The following KIRREL3 variants were observed in gnomAD, a reference collection of about 807,000 sequenced individuals.
KIRREL3 encodes kin of IRRE-like protein 3.
KIRREL3 carries 36 observed loss-of-function variants against 89.7 expected under a neutral mutation model. The ratio of observed to expected loss-of-function variants is 0.40; its 90% CI spans 0.31 to 0.53. The LOEUF (loss-of-function observed/expected upper bound fraction) is 0.53. Among genes scored for constraint, KIRREL3 ranks in the 20% least tolerant of loss-of-function variants. KIRREL3 has a pLI of 0.49. For synonymous variants in KIRREL3, 445 were observed against 441.4 expected (o/e 1.01, Z -0.10); for missense variants, 864 against 1,056.6 (o/e 0.82, Z 2.53).
rs931803462 is a variant in KIRREL3, at chr11:126,519,861, T to A, written c.433+1454A>T. On this transcript the variant is annotated intron_variant, in intron 4 of 16. Coordinates refer to ENST00000525144, the MANE Select transcript of KIRREL3 (RefSeq NM_032531.4). This position sits in a 1 kb window ranked among gnomAD's most constrained non-coding sequence, Gnocchi z 4.3. Reference sequence around the variant, plus strand: ...ATTTTAGTCACCGTCTTGGGAGAAATGAGAACGGCGCTGCTGCCTTTAATA... The same window carrying A: ...ATTTTAGTCACCGTCTTGGGAGAAAAGAGAACGGCGCTGCTGCCTTTAATA... Among the ~76,000 whole-genome samples, 2 of 152,116 alleles carry A rather than the reference T, an allele frequency of 1.3e-5. No individual in the cohort carries two copies. The highest frequency in any genetic ancestry group is 2.9e-5 in the Non-Finnish European group (2 of 68,032).
chr11:126,425,762 G>A (rs1642359475), intron 15 of KIRREL3, 38 bp from the exon 16 acceptor site: 1 of 1,483,558 alleles, frequency 6.7e-7, no homozygotes, highest in Admixed American at 1.9e-5. Flanking sequence ...GATAGGAGGT[G>A]GCTAAACCTC....
chr11:126,541,693 T>C lies in KIRREL3; in HGVS notation c.134-15006A>G, dbSNP rs535882713. On this transcript the variant is annotated intron_variant, in intron 2 of 16. Coordinates refer to ENST00000525144, the MANE Select transcript of KIRREL3 (RefSeq NM_032531.4). The surrounding 1 kb of genome is among the most constrained non-coding windows in gnomAD (Gnocchi z 4.8). ...CTGGGTCAAGGAATCTGCATTTTAATAGCTTCTGGGTCATCCTTCTGCAGG... is the reference window on the plus strand; with the variant it reads ...CTGGGTCAAGGAATCTGCATTTTAACAGCTTCTGGGTCATCCTTCTGCAGG... 6.6e-6 allele frequency among the ~76,000 whole-genome samples: 1 copy of C among 152,286 alleles called. No individual in the cohort carries two copies. The highest frequency in any genetic ancestry group is 2.1e-4 in the South Asian group (1 of 4,810).
intron 1 of KIRREL3, chr11:126,936,798 G>A (rs188696887): frequency 4.6e-5 from 7 of 152,320 alleles, no homozygotes; most frequent in Admixed American, 2.6e-4. Flanking sequence ...GATCACTTGG[G>A]AGAGATGGAA....
chr11:126,795,347 G>A lies in KIRREL3; in HGVS notation c.55+205108C>T, dbSNP rs1318760840. ...CTCAGGGCAGAGGTTGGGAGGGAGA[G>A]GACGTACATATAAATTTTATTTTAT... is the stretch of plus-strand genomic sequence containing the variant. On this transcript the variant is annotated intron_variant, in intron 1 of 16. Transcript: ENST00000525144. The surrounding 1 kb of genome is among the most constrained non-coding windows in gnomAD (Gnocchi z 4.1). 6.6e-6 allele frequency among the ~76,000 whole-genome samples: 1 copy of A among 152,114 alleles called. No homozygotes were observed. Among genetic ancestry groups the A allele is most frequent in the Non-Finnish European group, 1.5e-5 (1 of 68,024 alleles).
At position 126,763,716 on chromosome 11, in the gene KIRREL3, T is replaced by C. The variant is rs1426477721; in HGVS notation, c.56-200804A>G. On this transcript the variant is annotated intron_variant, in intron 1 of 16. Coordinates refer to ENST00000525144, the MANE Select transcript of KIRREL3 (RefSeq NM_032531.4). The surrounding 1 kb of genome is among the most constrained non-coding windows in gnomAD (Gnocchi z 4.7). ...CCCACGCTTTTGAGCCTTTGTTTTC[T>C]CACTTGTGAAATGGGGACAATAGAA... Among the ~76,000 whole-genome samples, 1 of 152,180 alleles carries C rather than the reference T, an allele frequency of 6.6e-6. No homozygotes were observed. The highest frequency in any genetic ancestry group is 2.4e-5 in the African/African-American group (1 of 41,426).
chr11:126,497,465 C>G (rs898781523), intron 4 of KIRREL3, among the ~76,000 whole-genome samples: 1 of 152,230 alleles, frequency 6.6e-6, no homozygotes, highest in Non-Finnish European at 1.5e-5. Flanking sequence ...ACAAATAACT[C>G]TGGTCTCCCA....
chr11:126,446,063 A>G (rs1231894457), intron 9 of KIRREL3, among the ~76,000 whole-genome samples: 1 of 148,524 alleles, frequency 6.7e-6, no homozygotes, highest in Non-Finnish European at 1.5e-5. Flanking sequence ...CAGGAGAATT[A>G]CTTGAACCCG....
rs986694557 is a variant in KIRREL3, at chr11:126,628,663, T to C, written c.56-65751A>G. Among the ~76,000 whole-genome samples the C allele has an allele frequency of 6.6e-6, 1 of 152,220 alleles. No homozygotes were observed. The highest frequency in any genetic ancestry group is 6.5e-5 in the Admixed American group (1 of 15,278). ...TTTCCTCTTTGTCCCCAGCAGAGAATAGAAACTGACTGTCATTCTCTCTGC... is the reference window on the plus strand; with the variant it reads ...TTTCCTCTTTGTCCCCAGCAGAGAACAGAAACTGACTGTCATTCTCTCTGC... On this transcript the variant is annotated intron_variant, in intron 1 of 16. Transcript: ENST00000525144. The surrounding 1 kb of genome is among the most constrained non-coding windows in gnomAD (Gnocchi z 5.2).
At chr11:126,473,800 TCTTTTTC>T (rs1956994561) in intron 4 of KIRREL3, among the ~76,000 whole-genome samples, 1 of 152,034 alleles carries the variant, frequency 6.6e-6, no homozygotes, top group Non-Finnish European at 1.5e-5. Context: ...CTTTTTAACT[TCTTTTTC>T]CTTTTTTCGA....
At chr11:126,851,303 G>A (rs1432632791) in intron 1 of KIRREL3, among the ~76,000 whole-genome samples, 1 of 152,188 alleles carries the variant, frequency 6.6e-6, no homozygotes, top group Non-Finnish European at 1.5e-5. Flanking sequence ...GAGACCAGAG[G>A]TCAGAGCATC....
At chr11:126,658,662 T>C (rs1945263173) in intron 1 of KIRREL3, among the ~76,000 whole-genome samples, 1 of 152,264 alleles carries the variant, frequency 6.6e-6, no homozygotes, top group Admixed American at 6.5e-5. Context: ...GGGATCTGCA[T>C]CTCGTTAAGA....
chr11:126,530,673 A>C lies in KIRREL3; in HGVS notation c.134-3986T>G, dbSNP rs1367983584. 6.6e-6 allele frequency among the ~76,000 whole-genome samples: 1 copy of C among 152,080 alleles called. No homozygotes were observed. Among genetic ancestry groups the C allele is most frequent in the Non-Finnish European group, 1.5e-5 (1 of 67,998 alleles). Reference sequence around the variant, plus strand: ...AGATGGAGCACAGAGTAGGTGCCTCACAGGCTCAGGTCCTGCTCTCAGTGG... The same window carrying C: ...AGATGGAGCACAGAGTAGGTGCCTCCCAGGCTCAGGTCCTGCTCTCAGTGG... On this transcript the variant is annotated intron_variant, in intron 2 of 16. Coordinates refer to ENST00000525144, the MANE Select transcript of KIRREL3 (RefSeq NM_032531.4). The surrounding 1 kb of genome is among the most constrained non-coding windows in gnomAD (Gnocchi z 5.8).
intron 7 of KIRREL3, among the ~76,000 whole-genome samples, chr11:126,450,947 G>GCA (rs1402332501): frequency 6.6e-6 from 1 of 151,606 alleles, no homozygotes; most frequent in East Asian, 2.0e-4. Context: ...GTGGGCGTGT[G>GCA]TGCATGTGTG....
At chr11:126,711,894 A>G (rs1353086917) in intron 1 of KIRREL3, among the ~76,000 whole-genome samples, 9 of 152,336 alleles carry the variant, frequency 5.9e-5, no homozygotes, top group African/African-American at 2.2e-4. Flanking sequence ...TCATTATAAA[A>G]AGCAGAACAT....
At chr11:126,716,929 T>C (rs913717832) in intron 1 of KIRREL3, among the ~76,000 whole-genome samples, 3 of 152,126 alleles carry the variant, frequency 2.0e-5, no homozygotes, top group Non-Finnish European at 4.4e-5. Context: ...AAGGCGGGAA[T>C]GAGCCTAGGG....
intron 2 of KIRREL3, among the ~76,000 whole-genome samples, chr11:126,538,081 C>A (rs972895912): frequency 1.3e-5 from 2 of 152,044 alleles, no homozygotes; most frequent in Admixed American, 1.3e-4. Flanking sequence ...AGAATGGAGG[C>A]TTTGCAAATT....
chr11:126,776,515 C>G lies in KIRREL3; in HGVS notation c.56-213603G>C, dbSNP rs1237466851. Among the ~76,000 whole-genome samples the G allele has an allele frequency of 2.6e-5, 4 of 152,164 alleles. No individual in the cohort carries two copies. The highest frequency in any genetic ancestry group is 6.5e-5 in the Admixed American group (1 of 15,268). ...TGCAGGACACTGGCTGCAGACAGGT[C>G]TCTACTAGGTGTCAGAGCCGTCGGT... On this transcript the variant is annotated intron_variant, in intron 1 of 16. Transcript: ENST00000525144. This position sits in a 1 kb window ranked among gnomAD's most constrained non-coding sequence, Gnocchi z 4.7.
In KIRREL3 at chr11:126,696,374, T is replaced by C. The variant is rs145189813; in HGVS notation, c.56-133462A>G. 6.6e-6 allele frequency among the ~76,000 whole-genome samples: 1 copy of C among 152,056 alleles called. No individual in the cohort carries two copies. Among genetic ancestry groups the C allele is most frequent in the African/African-American group, 2.4e-5 (1 of 41,382 alleles). On this transcript the variant is annotated intron_variant, in intron 1 of 16. Transcript: ENST00000525144. The surrounding 1 kb of genome is among the most constrained non-coding windows in gnomAD (Gnocchi z 4.4). ...TTGCCTTGTGTGGTTGATGGTGACA[T>C]CATCCATCCAATTTCTTATCCTGTA...
chr11:127,000,377 C>A lies in KIRREL3; in HGVS notation c.55+78G>T. 1.6e-6 allele frequency: 2 copies of A among 1,271,438 alleles called. No individual in the cohort carries two copies. Among genetic ancestry groups the A allele is most frequent in the East Asian group, 2.6e-5 (1 of 38,402 alleles). The allele number at this position is 1,271,438 out of a possible 1,614,324, so 78.8% of individuals were successfully genotyped here. Reference sequence around the variant, plus strand: ...TCAGTCCGAGTTCCCGAAGCCTGCCCACGTTCCTGCCCACAGCCTCCCGCG... The same window carrying A: ...TCAGTCCGAGTTCCCGAAGCCTGCCAACGTTCCTGCCCACAGCCTCCCGCG... On this transcript the variant is annotated intron_variant, in intron 1 of 16. Coordinates refer to ENST00000525144, the MANE Select transcript of KIRREL3 (RefSeq NM_032531.4). This position sits in a 1 kb window ranked among gnomAD's most constrained non-coding sequence, Gnocchi z 7.1.
Sources: gnomAD v4.1 joint callset for allele counts (sites outside exome capture counted in the v4.1 genomes callset) on GRCh38, gnomAD v4.1.1 for gene constraint, Gnocchi (gnomAD v3.1) non-coding constraint, MANE v1.5 for transcripts, NCBI Gene and HGNC (gene_info 2026-07-23, HGNC 2026-07-21) for gene names.